AGMO: variants seen among roughly 807,000 people sequenced by gnomAD.
AGMO encodes the protein alkylglycerol monooxygenase, also known as glyceryl-ether monooxygenase.
A neutral mutation model predicts 60.2 loss-of-function variants in AGMO; 75 were observed. That is an observed-to-expected ratio of 1.25 (90% CI 1.03 to 1.51). AGMO has a LOEUF of 1.51. AGMO is among the 40% of genes most tolerant of loss of function. The pLI is 0.00. For missense variants in AGMO, 763 were observed against 525.5 expected, an observed-to-expected ratio of 1.45 and a Z score of -4.42; for synonymous variants, 261 against 177.1, an observed-to-expected ratio of 1.47 and a Z score of -3.76.
At chr7:15,455,170 A>C in intron 3 of AGMO, among the ~76,000 whole-genome samples, 1 of 151,568 alleles carries the variant, frequency 6.6e-6, no homozygotes, top group Non-Finnish European at 1.5e-5. Context: ...TTGGTAAATA[A>C]GTATGAAATG....
rs1785325306 is a variant in AGMO, at chr7:15,562,010, A to G, written c.-165T>C. ...GCACACTCAACAGCCGATTCTGTGT[A>G]GAGAGACAGGAAAATACAAGGATCA... is the stretch of plus-strand genomic sequence containing the variant. On this transcript the variant is annotated 5_prime_UTR_variant, in exon 1 of 13. Coordinates refer to ENST00000342526, the MANE Select transcript of AGMO (RefSeq NM_001004320.2). 2.5e-5 allele frequency: 14 copies of G among 553,528 alleles called. No homozygotes were observed. The highest frequency in any genetic ancestry group is 3.8e-5 in the Non-Finnish European group (13 of 338,438). The allele number at this position is 553,528 out of a possible 1,614,324, so 34.3% of individuals were successfully genotyped here.
At chr7:15,489,232 T>C (rs917213868) in intron 3 of AGMO, among the ~76,000 whole-genome samples, 1 of 152,182 alleles carries the variant, frequency 6.6e-6, no homozygotes, top group Non-Finnish European at 1.5e-5. Flanking sequence ...TATAAAACTT[T>C]GTAGAATCAT....
the AGMO span, among the ~76,000 whole-genome samples, chr7:15,179,817 G>C: frequency 2.5e-3 from 379 of 152,258 alleles, 1 homozygote; most frequent in African/African-American, 8.4e-3. Context: ...CATTCTGTAA[G>C]CTTGCAGAAT....
At chr7:15,234,936 C>T (rs114036467) in intron 12 of AGMO, among the ~76,000 whole-genome samples, 1 of 152,100 alleles carries the variant, frequency 6.6e-6, no homozygotes, top group Non-Finnish European at 1.5e-5. Flanking sequence ...AAGATCTGGT[C>T]TCTCCCTACT....
intron 12 of AGMO, among the ~76,000 whole-genome samples, chr7:15,338,388 A>T (rs913653493): frequency 6.6e-6 from 1 of 152,166 alleles, no homozygotes; most frequent in Non-Finnish European, 1.5e-5. Context: ...ATTGCATTCT[A>T]ATCAGTCAAA....
the AGMO span, among the ~76,000 whole-genome samples, chr7:15,185,704 C>G: frequency 6.6e-6 from 1 of 152,098 alleles, no homozygotes; most frequent in Non-Finnish European, 1.5e-5. Context: ...GATTGGAGTC[C>G]AAAACCCTGG....
rs532747683 is a variant in AGMO, at chr7:15,344,517, T to C, written c.1263+20997A>G. On this transcript the variant is annotated intron_variant, in intron 12 of 12. Coordinates refer to ENST00000342526, the MANE Select transcript of AGMO (RefSeq NM_001004320.2). The stretch of plus-strand genomic sequence containing the variant: ...GAGTTCAAGATAAGCCTGGGCAACA[T>C]GACAAACCCGTTTCTACCAAAAATA... Among the ~76,000 whole-genome samples the C allele has an allele frequency of 1.4e-3, 211 of 152,180 alleles. 1 individual carries two copies. The highest frequency in any genetic ancestry group is 2.5e-3 in the Non-Finnish European group (173 of 68,006).
chr7:15,484,571 G>A (rs1486949062), intron 3 of AGMO, among the ~76,000 whole-genome samples: 2 of 152,054 alleles, frequency 1.3e-5, no homozygotes, highest in Non-Finnish European at 2.9e-5. Flanking sequence ...CTTCAAAAAT[G>A]TTTACAGGAA....
At chr7:15,307,063 C>G (rs1780636506) in intron 12 of AGMO, among the ~76,000 whole-genome samples, 1 of 151,930 alleles carries the variant, frequency 6.6e-6, no homozygotes, top group African/African-American at 2.4e-5. Flanking sequence ...AAATAAGTTT[C>G]CATTTGTAAT....
intron 10 of AGMO, among the ~76,000 whole-genome samples, chr7:15,381,333 A>G (rs1242590308): frequency 6.6e-6 from 1 of 152,194 alleles, no homozygotes; most frequent in Non-Finnish European, 1.5e-5. Flanking sequence ...CATTTACAAG[A>G]AAAAGACAAG....
chr7:15,152,678 T>C, the AGMO span, among the ~76,000 whole-genome samples: 1 of 152,174 alleles, frequency 6.6e-6, no homozygotes, highest in Admixed American at 6.6e-5. Flanking sequence ...ATTATTTCAT[T>C]CCTACTTATG....
Position 15,366,171 on chromosome 7 carries a change from A to C in AGMO, c.1126T>G (p.Leu376Val). The C allele has an allele frequency of 6.2e-7, 1 of 1,608,814 alleles. No homozygotes were observed. The highest frequency in any genetic ancestry group is 8.5e-7 in the Non-Finnish European group (1 of 1,177,010). ...LLRVCFIILT[L>V]TSIGFLLDQR... is the part of the protein sequence containing the mutation. Reference sequence around the variant, plus strand: ...TCCAGAAGAAATCCAATGGAAGTCAAGGTCAGGATAATGAAGCAAACCCTC... The same window carrying C: ...TCCAGAAGAAATCCAATGGAAGTCACGGTCAGGATAATGAAGCAAACCCTC... The change falls in exon 11 of 13, where the codon TTG becomes GTG. Residue 376 changes from leucine (L) to valine (V), a missense_variant. Leu to Val is a conservative substitution (Grantham distance 32). Transcript: ENST00000342526.
chr7:15,149,404 C>T, the AGMO span, among the ~76,000 whole-genome samples: 7 of 152,004 alleles, frequency 4.6e-5, no homozygotes, highest in Admixed American at 1.3e-4. Flanking sequence ...CCTACATCCA[C>T]AAAAATATTT....
At position 15,531,108 on chromosome 7, in the gene AGMO, A is replaced by ATATATATATTCTATATATATTCTG. The variant is rs1784319172; in HGVS notation, c.409+13663_409+13664insCAGAATATATATAGAATATATATA. Among the ~76,000 whole-genome samples, 2 of 24,734 alleles carry ATATATATATTCTATATATATTCTG rather than the reference A, an allele frequency of 8.1e-5. 1 individual carries two copies. The highest frequency in any genetic ancestry group is 1.4e-4 in the Non-Finnish European group (2 of 14,350). The allele number at this position is 24,734 out of a possible 152,430, so 16.2% of individuals were successfully genotyped here. ...TATATATATATTCTATATATATTCT[A>ATATATATATTCTATATATATTCTG]TATATATTCTATATATATTCTGTAT... On this transcript the variant is annotated intron_variant, in intron 3 of 12. Coordinates refer to ENST00000342526, the MANE Select transcript of AGMO (RefSeq NM_001004320.2).
chr7:15,330,275 T>A (rs1030079795), intron 12 of AGMO, among the ~76,000 whole-genome samples: 2 of 152,110 alleles, frequency 1.3e-5, no homozygotes, highest in African/African-American at 2.4e-5. Context: ...TGTACACCCC[T>A]TCCTTGAAAT....
At chr7:15,272,187 T>TG (rs1783632258) in intron 12 of AGMO, among the ~76,000 whole-genome samples, 1 of 151,908 alleles carries the variant, frequency 6.6e-6, no homozygotes, top group Non-Finnish European at 1.5e-5. Flanking sequence ...CAACGTGGTT[T>TG]GTTACATATG....
chr7:15,198,869 T>C (rs746153109), downstream of AGMO, among the ~76,000 whole-genome samples: 2 of 152,160 alleles, frequency 1.3e-5, no homozygotes, highest in African/African-American at 2.4e-5. Flanking sequence ...ATAATGATGT[T>C]ATCCCTAGGA....
intron 12 of AGMO, among the ~76,000 whole-genome samples, chr7:15,215,937 C>G (rs1362523933): frequency 6.6e-6 from 1 of 152,022 alleles, no homozygotes; most frequent in African/African-American, 2.4e-5. Context: ...TTTTTAAAAA[C>G]CCGTATCGGC....
chr7:15,238,189 G>C (rs1055226148), intron 12 of AGMO, among the ~76,000 whole-genome samples: 3 of 151,684 alleles, frequency 2.0e-5, no homozygotes, highest in African/African-American at 7.3e-5. Flanking sequence ...CTTTTTCATA[G>C]GCATTTAAAA....
Sources: allele counts gnomAD v4.1 joint callset (sites outside exome capture counted in the v4.1 genomes callset), GRCh38; gene constraint gnomAD v4.1.1; transcripts MANE v1.5; gene names NCBI Gene and HGNC (gene_info 2026-07-23, HGNC 2026-07-21).